The following DNAJC7 variants were observed in gnomAD, a reference collection of about 807,000 sequenced individuals.
DNAJC7 encodes DnaJ heat shock protein family (Hsp40) member C7, also known as dnaJ homolog subfamily C member 7.
DNAJC7 carries 18 observed loss-of-function variants against 67.4 expected under a neutral mutation model. The ratio of observed to expected loss-of-function variants is 0.27; its 90% CI spans 0.18 to 0.40. DNAJC7 has a LOEUF of 0.40. DNAJC7 is among the 10% of genes least tolerant of loss of function. DNAJC7 has a pLI of 1.00. For missense variants in DNAJC7, 419 were observed against 613.8 expected, an observed-to-expected ratio of 0.68 and a Z score of 3.35; for synonymous variants, 220 against 207.8, an observed-to-expected ratio of 1.06 and a Z score of -0.50.
chr17:41,984,150 AC>A (rs1202352169), intron 9 of DNAJC7, among the ~76,000 whole-genome samples: 1 of 152,222 alleles, frequency 6.6e-6, no homozygotes, highest in African/African-American at 2.4e-5. Flanking sequence ...AAATCCCTCC[AC>A]TAAGACCAAT....
chr17:41,998,725 TAAGC>T (rs2051725373), intron 2 of DNAJC7, among the ~76,000 whole-genome samples: 1 of 152,164 alleles, frequency 6.6e-6, no homozygotes, highest in Non-Finnish European at 1.5e-5. Context: ...GCTGGCAAAT[TAAGC>T]ATGGAGATAA....
chr17:42,005,951 T>A (rs2051940255), intron 1 of DNAJC7, among the ~76,000 whole-genome samples: 1 of 149,186 alleles, frequency 6.7e-6, no homozygotes, highest in African/African-American at 2.5e-5. Flanking sequence ...TTATTTAATT[T>A]TTTTTATTTT....
chr17:42,007,980 G>A (rs1273770225), intron 1 of DNAJC7, among the ~76,000 whole-genome samples: 1 of 150,442 alleles, frequency 6.6e-6, no homozygotes, highest in Non-Finnish European at 1.5e-5. Flanking sequence ...CAAGTAGCTG[G>A]GATTACAGGC....
At chr17:42,003,591 G>T (rs879967640) in intron 1 of DNAJC7, 7 of 152,192 alleles carry the variant, frequency 4.6e-5, no homozygotes, top group Admixed American at 2.6e-4. Flanking sequence ...GTTAACACTG[G>T]AATTGAAGGC....
Position 41,976,594 on chromosome 17 carries a change from G to C in DNAJC7, c.*139C>G. The C allele has an allele frequency of 9.0e-7, 1 of 1,116,464 alleles. No homozygotes were observed. Among genetic ancestry groups the C allele is most frequent in the South Asian group, 1.5e-5 (1 of 65,990 alleles). The allele number at this position is 1,116,464 out of a possible 1,614,324, so 69.2% of individuals were successfully genotyped here. On this transcript the variant is annotated 3_prime_UTR_variant, in exon 14 of 14. Transcript: ENST00000457167. ...CCCTTTGCTCCACCCCACTCACAGA[G>C]ACACAGGGCATCCAACTGAGAAAAC...
chr17:42,007,185 T>C (rs1316635929), intron 1 of DNAJC7, among the ~76,000 whole-genome samples: 2 of 152,154 alleles, frequency 1.3e-5, no homozygotes, highest in African/African-American at 4.8e-5. Context: ...AATGAGTCAA[T>C]ATCCCTTATG....
chr17:41,988,432 A>T (rs1488709167), intron 8 of DNAJC7, among the ~76,000 whole-genome samples: 1 of 152,248 alleles, frequency 6.6e-6, no homozygotes, highest in Non-Finnish European at 1.5e-5. Flanking sequence ...TGCATAAGCA[A>T]AACAACAAAA....
chr17:42,014,198 C>T (rs2052199361), intron 1 of DNAJC7: 2 of 148,400 alleles, frequency 1.3e-5, no homozygotes, highest in South Asian at 4.3e-4. Flanking sequence ...AATGGAGTCT[C>T]ACCATGTCGC....
rs781890591 is a variant in DNAJC7, at chr17:41,976,584, C to G, written c.*149G>C. The G allele has an allele frequency of 2.6e-4, 260 of 998,198 alleles. 1 individual carries two copies. Among genetic ancestry groups the G allele is most frequent in the Admixed American group, 3.1e-4 (10 of 32,720 alleles). 61.8% of individuals were successfully genotyped at this position (998,198 alleles called of 1,614,324 possible). On this transcript the variant is annotated 3_prime_UTR_variant, in exon 14 of 14. Coordinates refer to ENST00000457167, the MANE Select transcript of DNAJC7 (RefSeq NM_003315.4). ...GGCATTGGTTCCCTTTGCTCCACCCCACTCACAGAGACACAGGGCATCCAA... is the reference window on the plus strand; with the variant it reads ...GGCATTGGTTCCCTTTGCTCCACCCGACTCACAGAGACACAGGGCATCCAA...
chr17:41,983,442 G>T, intron 10 of DNAJC7, 121 bp downstream of exon 10: 1 of 890,524 alleles, frequency 1.1e-6, no homozygotes, highest in Non-Finnish European at 1.7e-6. Flanking sequence ...ACTTCTTTCT[G>T]GCTGGTGATC....
At chr17:41,983,441 T>C in intron 10 of DNAJC7, 122 bp downstream of exon 10, 1 of 886,392 alleles carries the variant, frequency 1.1e-6, no homozygotes, top group Non-Finnish European at 1.7e-6. Flanking sequence ...CACTTCTTTC[T>C]GGCTGGTGAT....
At chr17:42,016,832 A>C in intron 1 of DNAJC7, 1 of 517,484 alleles carries the variant, frequency 1.9e-6, no homozygotes, top group Non-Finnish European at 2.6e-6. Flanking sequence ...ACCGGGGGCA[A>C]CCAGGTCAAT....
chr17:41,995,126 A>G, intron 4 of DNAJC7, 182 bp from the exon 5 acceptor site: 2 of 668,202 alleles, frequency 3.0e-6, no homozygotes, highest in Non-Finnish European at 2.7e-6. Flanking sequence ...ATCCAGTTCT[A>G]GGGCTCTCTG....
intron 10 of DNAJC7, 136 bp from the exon 11 acceptor site, chr17:41,982,537 T>G: frequency 8.5e-7 from 1 of 1,178,690 alleles, no homozygotes; most frequent in Non-Finnish European, 1.2e-6. Flanking sequence ...TTCTGGAGAT[T>G]AGAAAAAAAA....
intron 5 of DNAJC7, 55 bp downstream of exon 5, chr17:41,994,815 G>A (rs1176992853): frequency 1.3e-5 from 20 of 1,491,182 alleles, no homozygotes; most frequent in African/African-American, 9.6e-5. Context: ...ACACACACAC[G>A]AATGGGAATT....
intron 1 of DNAJC7, chr17:42,016,815 T>A (rs1301086632): frequency 1.4e-5 from 5 of 365,156 alleles, no homozygotes; most frequent in African/African-American, 6.7e-5. Context: ...CTTTGACTTC[T>A]GGGATAACCG....
At chr17:41,988,057 C>A in intron 8 of DNAJC7, 147 bp from the exon 9 acceptor site, 1 of 649,324 alleles carries the variant, frequency 1.5e-6, no homozygotes. Context: ...GTCACCAGGG[C>A]TATGGACAGC....
intron 2 of DNAJC7, among the ~76,000 whole-genome samples, chr17:41,999,223 C>T (rs1388471203): frequency 6.6e-6 from 1 of 151,792 alleles, no homozygotes; most frequent in Non-Finnish European, 1.5e-5. Flanking sequence ...GCTGGGATTA[C>T]AAGCGCCCAC....
intron 10 of DNAJC7, 21 bp downstream of exon 10, chr17:41,983,542 A>C (rs1272641825): frequency 5.1e-6 from 8 of 1,565,846 alleles, no homozygotes; most frequent in Middle Eastern, 3.3e-4. Flanking sequence ...TTCCCTAAAA[A>C]ACAAATGCTT....
Sources: gnomAD v4.1 joint callset for allele counts (sites outside exome capture counted in the v4.1 genomes callset) on GRCh38, gnomAD v4.1.1 for gene constraint, MANE v1.5 for transcripts, NCBI Gene and HGNC (gene_info 2026-07-23, HGNC 2026-07-21) for gene names.